The following FBXO34 variants were observed in gnomAD, a reference collection of about 807,000 sequenced individuals.
FBXO34 encodes F-box only protein 34.
Under a neutral mutation model 24.5 loss-of-function variants are expected in FBXO34, and 12 were observed. The ratio of observed to expected loss-of-function variants is 0.49; its 90% CI spans 0.31 to 0.79. The LOEUF (loss-of-function observed/expected upper bound fraction) is 0.79, where lower values mean the gene tolerates loss of function less well. Ranked by LOEUF, FBXO34 falls within the 30% of genes least tolerant of loss-of-function variation. The pLI, the probability that FBXO34 is intolerant of heterozygous loss-of-function variation, is 0.04. For synonymous variants in FBXO34, 320 were observed against 311.9 expected, an observed-to-expected ratio of 1.03 and a Z score of -0.27; for missense variants, 823 against 857.7, an observed-to-expected ratio of 0.96 and a Z score of 0.51.
chr14:55,316,609 T>C (rs937486405), intron 1 of FBXO34, among the ~76,000 whole-genome samples: 1 of 147,928 alleles, frequency 6.8e-6, no homozygotes, highest in Non-Finnish European at 1.5e-5. Context: ...ATGTCTATAG[T>C]CCCACCTACT....
chr14:55,431,605 G>A, the FBXO34 span, among the ~76,000 whole-genome samples: 1 of 152,180 alleles, frequency 6.6e-6, no homozygotes, highest in Non-Finnish European at 1.5e-5. Flanking sequence ...TTAAAATGGA[G>A]ATTCCTGGGA....
At chr14:55,422,351 T>C in the FBXO34 span, among the ~76,000 whole-genome samples, 1 of 152,110 alleles carries the variant, frequency 6.6e-6, no homozygotes, top group Non-Finnish European at 1.5e-5. Flanking sequence ...GTTCAAGCGA[T>C]TCTCCTGCCT....
At chr14:55,338,048 C>T (rs200424527) in intron 1 of FBXO34, among the ~76,000 whole-genome samples, 38 of 88,244 alleles carry the variant, frequency 4.3e-4, no homozygotes, top group East Asian at 1.8e-3. Flanking sequence ...GTATGTACTT[C>T]TTTTTTTTTT....
chr14:55,368,587 G>A (rs1379651592), downstream of FBXO34: 1 of 152,196 alleles, frequency 6.6e-6, no homozygotes, highest in Admixed American at 6.5e-5. Flanking sequence ...GTAAGGATCT[G>A]CGCTGCATTT....
At chr14:55,439,930 CAA>C in the FBXO34 span, among the ~76,000 whole-genome samples, 612 of 39,156 alleles carry the variant, frequency 0.016, 11 homozygotes, top group African/African-American at 0.055. Context: ...GACTCTGTCT[CAA>C]AAAAAAAAAA....
chr14:55,331,693 A>ATATATG (rs1555338514), intron 1 of FBXO34, among the ~76,000 whole-genome samples: 2 of 66,562 alleles, frequency 3.0e-5, no homozygotes, highest in Non-Finnish European at 4.6e-5. Context: ...ATGTGTATAT[A>ATATATG]TATATATATA....
chr14:55,294,879 A>G (rs539225962), intron 1 of FBXO34, among the ~76,000 whole-genome samples: 1 of 152,328 alleles, frequency 6.6e-6, no homozygotes, highest in African/African-American at 2.4e-5. Context: ...TTACGTCCCG[A>G]TAAATCAGTT....
At chr14:55,375,233 T>C in the FBXO34 span, among the ~76,000 whole-genome samples, 1 of 152,270 alleles carries the variant, frequency 6.6e-6, no homozygotes. Flanking sequence ...ATGGAATTTA[T>C]AGTTTTTGCT....
chr14:55,424,240 G>A, the FBXO34 span: 1 of 1,611,366 alleles, frequency 6.2e-7, no homozygotes, highest in South Asian at 1.1e-5. Flanking sequence ...CCAGGAAACA[G>A]TTCAGGCTCG....
chr14:55,280,457 AGTTT>A (rs1237162306), intron 1 of FBXO34, among the ~76,000 whole-genome samples: 1 of 151,206 alleles, frequency 6.6e-6, no homozygotes, highest in East Asian at 1.9e-4. Flanking sequence ...AGTAATCTAG[AGTTT>A]GTTTAAAGTA....
At position 55,298,525 on chromosome 14, in the gene FBXO34, A is replaced by G. The variant is rs1882219322; in HGVS notation, c.-11+26988A>G. On this transcript the variant is annotated intron_variant, in intron 1 of 1. Coordinates refer to ENST00000313833, the MANE Select transcript of FBXO34 (RefSeq NM_017943.4). ...TTTGTACCAGTTTTATCCTACCCCT[A>G]CATTTGACCTACTTCTTGTCCTCAT... 9.8e-6 allele frequency: 6 copies of G among 610,522 alleles called. No individual in the cohort carries two copies. The South Asian group carries it at 1.0e-4, about 10-fold the overall frequency. 37.8% of individuals were successfully genotyped at this position (610,522 alleles called of 1,614,324 possible). A position where few individuals can be genotyped will look rare whatever the true frequency, so the allele number is the denominator to read the frequency against.
the FBXO34 span, among the ~76,000 whole-genome samples, chr14:55,375,490 A>AATTTTTT: frequency 1.0e-4 from 12 of 117,796 alleles, no homozygotes; most frequent in Non-Finnish European, 1.0e-4. Flanking sequence ...GCCGGGCTAA[A>AATTTTTT]TTTTTTTTTT....
chr14:55,433,869 A>G, the FBXO34 span: 1 of 596,288 alleles, frequency 1.7e-6, no homozygotes, highest in Non-Finnish European at 2.8e-6. Context: ...AAGGTTAACA[A>G]AAATAATGAT....
At chr14:55,354,462 G>GTA (rs1566571065), downstream of FBXO34, 1 of 152,224 alleles carries the variant, frequency 6.6e-6, no homozygotes, top group African/African-American at 2.4e-5. Flanking sequence ...GGCCCAGCCT[G>GTA]GACACTGGAT....
chr14:55,412,326 C>G, the FBXO34 span, among the ~76,000 whole-genome samples: 3 of 152,154 alleles, frequency 2.0e-5, no homozygotes, highest in South Asian at 6.2e-4. Flanking sequence ...CGCCTGTTCT[C>G]TCGTGTTAAA....
At chr14:55,425,555 A>G in the FBXO34 span, among the ~76,000 whole-genome samples, 1 of 152,230 alleles carries the variant, frequency 6.6e-6, no homozygotes, top group Non-Finnish European at 1.5e-5. Flanking sequence ...GCCTCATTCC[A>G]AAAGAAGGCT....
Position 55,303,830 on chromosome 14 carries a change from T to C in FBXO34, c.-11+32293T>C, listed in dbSNP as rs1226211578. ...GCCATGTGTATGTACCAGGACCATG[T>C]TACTGCCTAAGAAGAAATGAGAGTG... On this transcript the variant is annotated intron_variant, in intron 1 of 1. Coordinates refer to ENST00000313833, the MANE Select transcript of FBXO34 (RefSeq NM_017943.4). Among the ~76,000 whole-genome samples, 3 of 152,284 alleles carry C rather than the reference T, an allele frequency of 2.0e-5. No individual in the cohort carries two copies. The South Asian group carries it at 6.2e-4, about 32-fold the overall frequency.
At chr14:55,382,206 A>C in the FBXO34 span, 1 of 1,612,118 alleles carries the variant, frequency 6.2e-7, no homozygotes, top group Non-Finnish European at 8.5e-7. Flanking sequence ...AAGTAGGAAG[A>C]CACACACGGA....
At chr14:55,272,362 A>AAGCT (rs1370246091) in intron 1 of FBXO34, 12 of 152,244 alleles carry the variant, frequency 7.9e-5, no homozygotes, top group Admixed American at 7.9e-4. Flanking sequence ...AGTACAGCTC[A>AAGCT]GTATAAGACA....
Sources: gnomAD v4.1 joint callset for allele counts (sites outside exome capture counted in the v4.1 genomes callset) on GRCh38, gnomAD v4.1.1 for gene constraint, MANE v1.5 for transcripts, NCBI Gene and HGNC (gene_info 2026-07-23, HGNC 2026-07-21) for gene names.